The following MACF1 variants were observed in gnomAD, a reference collection of about 807,000 sequenced individuals.
MACF1 encodes the protein microtubule-actin cross-linking factor 1.
In MACF1, 193 loss-of-function variants were observed where a neutral mutation model predicts 854.8. The observed-to-expected ratio is 0.23, with a 90% confidence interval of 0.20 to 0.25. The LOEUF (loss-of-function observed/expected upper bound fraction) is 0.25, where lower values mean the gene tolerates loss of function less well. MACF1 is among the 10% of genes least tolerant of loss of function. The pLI is 1.00. For missense variants in MACF1, 7,722 were observed against 8,929.1 expected (o/e 0.86, Z 5.45); for synonymous variants, 3,185 against 3,226.7 (o/e 0.99, Z 0.44).
intron 2 of MACF1, among the ~76,000 whole-genome samples, chr1:39,233,724 C>T (rs964845608): frequency 6.9e-6 from 1 of 145,972 alleles, no homozygotes; most frequent in African/African-American, 2.5e-5. Flanking sequence ...AAGCCAAAGG[C>T]AAGTGTCATG....
intron 2 of MACF1, among the ~76,000 whole-genome samples, chr1:39,243,703 T>C (rs1644950245): frequency 6.6e-6 from 1 of 152,168 alleles, no homozygotes; most frequent in Middle Eastern, 3.2e-3. Context: ...GCACCTGGCC[T>C]TCTAAATTTT....
intron 40 of MACF1, among the ~76,000 whole-genome samples, chr1:39,342,857 T>G (rs57657654): frequency 0.032 from 4,803 of 152,144 alleles, 260 homozygotes; most frequent in African/African-American, 0.11. Flanking sequence ...TAATAAACAT[T>G]ATAGGCTTTA....
Position 39,435,545 on chromosome 1 carries a change from T to G in MACF1, c.17785-13T>G. ...AAAAGTACTCATTATGGTTTAATTC[T>G]TTTTTTACCTAGCAATTAAGGGAAT... On this transcript the variant is annotated splice_polypyrimidine_tract_variant and intron_variant, in intron 69 of 100. Coordinates refer to ENST00000564288, the MANE Select transcript of MACF1 (RefSeq NM_001394062.1). 6.2e-7 allele frequency: 1 copy of G among 1,602,754 alleles called. No homozygotes were observed. Among genetic ancestry groups the G allele is most frequent in the Non-Finnish European group, 8.5e-7 (1 of 1,170,840 alleles).
chr1:39,436,516 T>G, intron 70 of MACF1: 9 of 1,610,296 alleles, frequency 5.6e-6, no homozygotes, highest in Non-Finnish European at 7.6e-6. Flanking sequence ...CCATTGGGAC[T>G]AGGGTGTTCT....
In MACF1 at chr1:39,331,930, G is replaced by A; in HGVS notation, c.5342G>A (p.Gly1781Glu). The change falls in exon 37 of 101, where the codon GGA (glycine) becomes GAA (glutamate). Residue 1781 changes from glycine to glutamate, a missense_variant. By Grantham distance (98) the Gly-to-Glu change is moderately conservative. Transcript: ENST00000564288. The stretch of plus-strand genomic sequence containing the variant: ...GGTGGCATAGTAGATCCAAGAACAG[G>A]ACACAGACTTACAGTGGAAGAGGCT... ...FAGGIVDPRT[G>E]HRLTVEEAVR... 8 of 1,614,102 alleles carry A rather than the reference G, an allele frequency of 5.0e-6. No homozygotes were observed. Among genetic ancestry groups the A allele is most frequent in the Non-Finnish European group, 6.8e-6 (8 of 1,180,028 alleles).
intron 6 of MACF1, among the ~76,000 whole-genome samples, chr1:39,270,352 G>A (rs1022944108): frequency 6.6e-6 from 1 of 152,174 alleles, no homozygotes; most frequent in African/African-American, 2.4e-5. Context: ...AGAGAGGGAG[G>A]TTAGGGCAAT....
At chr1:39,399,630 G>T (rs895118117) in intron 58 of MACF1, among the ~76,000 whole-genome samples, 8 of 151,978 alleles carry the variant, frequency 5.3e-5, no homozygotes, top group African/African-American at 1.9e-4. Context: ...ACCCACCTCG[G>T]CCTCCCAAAG....
chr1:39,283,531 C>G lies in MACF1; in HGVS notation c.915+16C>G. On this transcript the variant is annotated intron_variant, in intron 9 of 100. Transcript: ENST00000564288. The surrounding 1 kb of genome is among the most constrained non-coding windows in gnomAD (Gnocchi z 4.5). ...CAGTGCTACGGTAAAAGAACATTTT[C>G]CTAGAAGGCCTTCTGACTTTGATTC... The G allele has an allele frequency of 1.3e-6, 2 of 1,539,290 alleles. No individual in the cohort carries two copies. The highest frequency in any genetic ancestry group is 1.8e-6 in the Non-Finnish European group (2 of 1,112,414).
chr1:39,246,907 C>CTTT (rs59664447), intron 2 of MACF1, among the ~76,000 whole-genome samples: 3 of 136,300 alleles, frequency 2.2e-5, no homozygotes, highest in African/African-American at 2.7e-5. Context: ...CTAAACATAG[C>CTTT]TTTTTTTTTT....
Position 39,293,635 on chromosome 1 carries a change from T to A in MACF1, c.2154+16T>A, listed in dbSNP as rs200964532. 5 of 1,603,170 alleles carry A rather than the reference T, an allele frequency of 3.1e-6. No individual in the cohort carries two copies. Among genetic ancestry groups the A allele is most frequent in the Middle Eastern group, 1.7e-4 (1 of 5,916 alleles). ...TTACTTCTCTGTGAGTCTAGCACAG[T>A]AGCAGGCCTGTCATACTTATTTAAC... On this transcript the variant is annotated intron_variant, in intron 18 of 100. Coordinates refer to ENST00000564288, the MANE Select transcript of MACF1 (RefSeq NM_001394062.1).
At position 39,459,262 on chromosome 1, in the gene MACF1, T is replaced by C. The variant is rs968489261; in HGVS notation, c.21360+13T>C. Reference sequence around the variant, plus strand: ...TCGGCTGGAGGAGGTAATGCCCTGCTGAGTGGCCTTCCCTGAAACAAAGTG... The same window carrying C: ...TCGGCTGGAGGAGGTAATGCCCTGCCGAGTGGCCTTCCCTGAAACAAAGTG... On this transcript the variant is annotated intron_variant, in intron 91 of 100. Coordinates refer to ENST00000564288, the MANE Select transcript of MACF1 (RefSeq NM_001394062.1). 3.1e-6 allele frequency: 5 copies of C among 1,601,880 alleles called. No individual in the cohort carries two copies. Among genetic ancestry groups the C allele is most frequent in the Non-Finnish European group, 3.4e-6 (4 of 1,173,346 alleles).
At chr1:39,458,128 C>G (rs1259524515) in intron 89 of MACF1, 3 of 409,574 alleles carry the variant, frequency 7.3e-6, no homozygotes, top group Non-Finnish European at 1.3e-5. Context: ...GGAATTTGCC[C>G]CCATAACTCA....
intron 1 of MACF1, among the ~76,000 whole-genome samples, chr1:39,221,154 G>A (rs1478568847): frequency 1.3e-5 from 2 of 152,156 alleles, no homozygotes; most frequent in African/African-American, 2.4e-5. Flanking sequence ...AGAGTGAAAG[G>A]TAGATAGATT....
intron 2 of MACF1, among the ~76,000 whole-genome samples, chr1:39,119,338 A>C (rs926100673): frequency 1.2e-4 from 17 of 144,738 alleles, no homozygotes; most frequent in African/African-American, 3.6e-4. Context: ...AAAAAAAAAA[A>C]CAACCAGAAA....
At chr1:39,393,925 AGAAC>A (rs1205894593) in intron 58 of MACF1, among the ~76,000 whole-genome samples, 1 of 151,998 alleles carries the variant, frequency 6.6e-6, no homozygotes, top group Non-Finnish European at 1.5e-5. Flanking sequence ...AGAGAAAGAA[AGAAC>A]GAACGAACGA....
chr1:39,285,025 C>A, intron 11 of MACF1, 58 bp from the exon 12 acceptor site: 2 of 1,593,788 alleles, frequency 1.3e-6, no homozygotes, highest in South Asian at 2.3e-5. Flanking sequence ...AATAATAAAT[C>A]AAAACTGGGA....
chr1:39,136,261 T>TA (rs1357563694), intron 2 of MACF1, among the ~76,000 whole-genome samples: 1 of 152,352 alleles, frequency 6.6e-6, no homozygotes, highest in East Asian at 1.9e-4. Context: ...GACAGTCTCT[T>TA]ACAATGTCTA....
At chr1:39,181,799 A>G (rs1397919725) in intron 2 of MACF1, among the ~76,000 whole-genome samples, 1 of 152,226 alleles carries the variant, frequency 6.6e-6, no homozygotes, top group African/African-American at 2.4e-5. Flanking sequence ...AGACAATTCA[A>G]TGTAGAAAGA....
Position 39,442,432 on chromosome 1 carries a change from G to C in MACF1, c.18969G>C (p.Leu6323=). ...AHRQHKLEGA[L]LALGQFQHAL... ...AGTAGCACAAACTAGAAGGGGCTCT[G>C]TTGGCCCTTGGTCAGTTCCAGCATG... The change falls in exon 77 of 101, where the codon CTG becomes CTC. Residue 6323 remains leucine (L), a synonymous_variant. Coordinates refer to ENST00000564288, the MANE Select transcript of MACF1 (RefSeq NM_001394062.1). The C allele has an allele frequency of 6.2e-7, 1 of 1,614,088 alleles. No homozygotes were observed. The highest frequency in any genetic ancestry group is 8.5e-7 in the Non-Finnish European group (1 of 1,180,008).
Sources: gnomAD v4.1 joint callset for allele counts (sites outside exome capture counted in the v4.1 genomes callset) on GRCh38, gnomAD v4.1.1 for gene constraint, Gnocchi (gnomAD v3.1) non-coding constraint, MANE v1.5 for transcripts, NCBI Gene and HGNC (gene_info 2026-07-23, HGNC 2026-07-21) for gene names.